Variants in CLDN14 observed in about 807,000 individuals in gnomAD.
CLDN14 encodes the protein claudin-14.
A neutral mutation model predicts 2.1 loss-of-function variants in CLDN14; 2 were observed. That is an observed-to-expected ratio of 0.96 (90% CI 0.39 to 3.01). The LOEUF (loss-of-function observed/expected upper bound fraction) is 3.01, where lower values mean the gene tolerates loss of function less well. Ranked by LOEUF, CLDN14 falls within the 30% of genes most tolerant of loss-of-function variation. The pLI, the probability that CLDN14 is intolerant of heterozygous loss-of-function variation, is 0.09. For synonymous variants in CLDN14, 136 were observed against 154.4 expected, an observed-to-expected ratio of 0.88 and a Z score of 0.88; for missense variants, 298 against 328.0, an observed-to-expected ratio of 0.91 and a Z score of 0.71.
chr21:36,545,023 G>A (rs541207729), intron 1 of CLDN14, among the ~76,000 whole-genome samples: 7 of 152,302 alleles, frequency 4.6e-5, no homozygotes, highest in Non-Finnish European at 8.8e-5. Context: ...GTTGGTAACT[G>A]AAAAATAAAC....
intron 1 of CLDN14, among the ~76,000 whole-genome samples, chr21:36,565,432 T>TTA (rs397786704): frequency 5.3e-5 from 8 of 151,730 alleles, no homozygotes; most frequent in Non-Finnish European, 1.0e-4. Context: ...TTTTTTTTTT[T>TTA]AAATATGCAA....
chr21:36,555,806 A>AGTGTGTGTGTGT (rs142473999), intron 1 of CLDN14, among the ~76,000 whole-genome samples: 1 of 143,338 alleles, frequency 7.0e-6, no homozygotes, highest in African/African-American at 2.6e-5. Context: ...TCTATAGGTC[A>AGTGTGTGTGTGT]GTGTGTGTGT....
chr21:36,515,672 CAAA>C, intron 1 of CLDN14, among the ~76,000 whole-genome samples: 1 of 85,268 alleles, frequency 1.2e-5, no homozygotes, highest in South Asian at 4.2e-4. Context: ...GTCTCCATCT[CAAA>C]AAAAAAAAAA....
At chr21:36,523,737 G>T in intron 1 of CLDN14, among the ~76,000 whole-genome samples, 1 of 112,056 alleles carries the variant, frequency 8.9e-6, no homozygotes, top group African/African-American at 3.5e-5. Context: ...GACAGAGTGA[G>T]ACTCCATCTA....
chr21:36,518,288 TC>T (rs2087243582), intron 1 of CLDN14, among the ~76,000 whole-genome samples: 1 of 152,214 alleles, frequency 6.6e-6, no homozygotes, highest in Non-Finnish European at 1.5e-5. Flanking sequence ...AAATTTCATC[TC>T]ATCAAATGCT....
intron 1 of CLDN14, among the ~76,000 whole-genome samples, chr21:36,519,379 C>T (rs1280079112): frequency 6.6e-6 from 1 of 152,180 alleles, no homozygotes; most frequent in African/African-American, 2.4e-5. Flanking sequence ...GTTAGGAGAC[C>T]AGACTGGCCA....
intron 1 of CLDN14, among the ~76,000 whole-genome samples, chr21:36,540,304 C>T (rs2087477796): frequency 6.6e-6 from 1 of 152,046 alleles, no homozygotes; most frequent in African/African-American, 2.4e-5. Context: ...CGTATAATAC[C>T]CAACACAATG....
intron 2 of CLDN14, among the ~76,000 whole-genome samples, chr21:36,496,323 G>A (rs939890152): frequency 6.6e-6 from 1 of 151,578 alleles, no homozygotes; most frequent in Non-Finnish European, 1.5e-5. Flanking sequence ...TGTGGTCCGA[G>A]GTACTTGGGA....
chr21:36,488,718 G>C (rs941682555), intron 2 of CLDN14, among the ~76,000 whole-genome samples: 1 of 152,140 alleles, frequency 6.6e-6, no homozygotes, highest in Non-Finnish European at 1.5e-5. Context: ...AGAAAGCTCC[G>C]GAGAGGGATG....
chr21:36,521,349 A>G (rs984183890), intron 1 of CLDN14, among the ~76,000 whole-genome samples: 1 of 152,168 alleles, frequency 6.6e-6, no homozygotes, highest in African/African-American at 2.4e-5. Context: ...AAGCTAGGGC[A>G]TGAATGGGGA....
chr21:36,531,864 TC>T (rs1161536169), intron 1 of CLDN14: 1 of 152,164 alleles, frequency 6.6e-6, no homozygotes, highest in East Asian at 1.9e-4. Context: ...TCAAGCGGAT[TC>T]TGGAGAAGCC....
intron 1 of CLDN14, among the ~76,000 whole-genome samples, chr21:36,526,693 G>A (rs562183653): frequency 2.6e-5 from 4 of 152,266 alleles, no homozygotes; most frequent in South Asian, 4.2e-4. Context: ...ATCCCACCAG[G>A]CAACCACGGG....
chr21:36,469,121 C>T (rs779579187), intron 1 of CLDN14, among the ~76,000 whole-genome samples: 12 of 152,188 alleles, frequency 7.9e-5, no homozygotes, highest in East Asian at 1.9e-4. Flanking sequence ...GCGAAACAAA[C>T]GCATATCTTT....
chr21:36,486,186 T>A (rs761413190), intron 2 of CLDN14: 4 of 1,055,334 alleles, frequency 3.8e-6, no homozygotes, highest in South Asian at 3.8e-5. Flanking sequence ...ATGGCTGAGC[T>A]GGCATCAATG....
At chr21:36,563,415 A>G (rs572695789) in intron 1 of CLDN14, among the ~76,000 whole-genome samples, 1 of 152,186 alleles carries the variant, frequency 6.6e-6, no homozygotes, top group Non-Finnish European at 1.5e-5. Context: ...GGAGAAAAAA[A>G]AAAAGCAGGG....
intron 1 of CLDN14, among the ~76,000 whole-genome samples, chr21:36,470,669 G>A (rs924604206): frequency 1.3e-5 from 2 of 152,166 alleles, no homozygotes; most frequent in Non-Finnish European, 2.9e-5. Context: ...ATGGTGGCAC[G>A]GGGAATTACA....
In CLDN14 at chr21:36,540,957, A is replaced by C. The variant is rs147846210; in HGVS notation, c.-219-30457T>G. ...AAGTGAGATATCAGTTCCTTAAACA[A>C]GGACAGTGGCTGTGGAGGGGGAGAG... is the stretch of plus-strand genomic sequence containing the variant. On this transcript the variant is annotated intron_variant, in intron 1 of 2. Coordinates refer to the CLDN14 transcript ENST00000342108. Among the ~76,000 whole-genome samples the C allele has an allele frequency of 8.0e-3, 1,218 of 152,322 alleles. 20 individuals carry two copies. Among genetic ancestry groups the C allele is most frequent in the African/African-American group, 0.028 (1,148 of 41,570 alleles).
intron 1 of CLDN14, among the ~76,000 whole-genome samples, chr21:36,478,193 G>A (rs190585954): frequency 9.7e-4 from 147 of 152,300 alleles, no homozygotes; most frequent in South Asian, 2.7e-3. Context: ...AAGAATCTAC[G>A]TGTCTTCCTT....
intron 2 of CLDN14, among the ~76,000 whole-genome samples, chr21:36,496,107 C>T (rs1315446882): frequency 2.6e-5 from 4 of 152,046 alleles, no homozygotes; most frequent in Admixed American, 2.6e-4. Context: ...GTTACAGCTG[C>T]CCTAGGATGC....
Sources: gnomAD v4.1 joint callset for allele counts (sites outside exome capture counted in the v4.1 genomes callset) on GRCh38, gnomAD v4.1.1 for gene constraint, MANE v1.5 for transcripts, NCBI Gene and HGNC (gene_info 2026-07-23, HGNC 2026-07-21) for gene names.